Variants in AGMO observed in about 807,000 individuals in gnomAD.
AGMO encodes the protein glyceryl-ether monooxygenase.
AGMO carries 75 observed loss-of-function variants against 60.2 expected under a neutral mutation model. The ratio of observed to expected loss-of-function variants is 1.25; its 90% CI spans 1.03 to 1.51. AGMO has a LOEUF of 1.51. Ranked by LOEUF, AGMO falls within the 40% of genes most tolerant of loss-of-function variation. The probability of loss-of-function intolerance (pLI) is 0.00; values close to 1 mark genes in which losing one functional copy is unlikely to be tolerated. For missense variants in AGMO, 763 were observed against 525.5 expected, an observed-to-expected ratio of 1.45 and a Z score of -4.42; for synonymous variants, 261 against 177.1, an observed-to-expected ratio of 1.47 and a Z score of -3.76.
At chr7:15,537,742 T>C (rs1784518068) in intron 3 of AGMO, among the ~76,000 whole-genome samples, 1 of 152,180 alleles carries the variant, frequency 6.6e-6, no homozygotes, top group Non-Finnish European at 1.5e-5. Context: ...TTTTTTCAAA[T>C]GTACTTTCTA....
chr7:15,124,547 A>C, the AGMO span, among the ~76,000 whole-genome samples: 6 of 152,004 alleles, frequency 3.9e-5, no homozygotes, highest in African/African-American at 1.4e-4. Context: ...AAATTTGCTG[A>C]CATATTCTCC....
intron 10 of AGMO, among the ~76,000 whole-genome samples, chr7:15,381,354 A>G (rs1783676310): frequency 6.6e-6 from 1 of 152,106 alleles, no homozygotes; most frequent in South Asian, 2.1e-4. Context: ...CAATCCCATA[A>G]AAAAGTGGGC....
intron 3 of AGMO, among the ~76,000 whole-genome samples, chr7:15,462,425 AC>A (rs940931182): frequency 1.4e-4 from 21 of 152,286 alleles, no homozygotes; most frequent in African/African-American, 2.9e-4. Context: ...ATTGCCAGAG[AC>A]TTTTTTCCCT....
rs2128549857 is a variant in AGMO at position 15,342,282 on chromosome 7, AG to A, written c.1263+23231del. 1.3e-5 allele frequency among the ~76,000 whole-genome samples: 2 copies of A among 151,270 alleles called. 1 individual carries two copies. Among genetic ancestry groups the A allele is most frequent in the South Asian group, 4.2e-4 (2 of 4,734 alleles). On this transcript the variant is annotated intron_variant, in intron 12 of 12. Coordinates refer to ENST00000342526, the MANE Select transcript of AGMO (RefSeq NM_001004320.2). ...CTGAGAAAGCCATGGTCAGCAAGGG[AG>A]GAGTAAAACCTGCAAGTGTGCAATG...
At chr7:15,172,826 G>C in the AGMO span, among the ~76,000 whole-genome samples, 9 of 152,256 alleles carry the variant, frequency 5.9e-5, no homozygotes, top group Middle Eastern at 3.4e-3. Flanking sequence ...GAGAGCTCAT[G>C]GAAGAGGATG....
chr7:15,506,198 G>C (rs1783508476), intron 3 of AGMO, among the ~76,000 whole-genome samples: 2 of 151,976 alleles, frequency 1.3e-5, no homozygotes, highest in South Asian at 4.1e-4. Context: ...ACTGAGTAAA[G>C]TTTTCATAAT....
chr7:15,385,696 A>G (rs952752857), intron 9 of AGMO, 134 bp from the exon 10 acceptor site: 4 of 652,202 alleles, frequency 6.1e-6, no homozygotes, highest in Non-Finnish European at 1.1e-5. Context: ...TTAAAAATAG[A>G]AACATGTCTA....
At chr7:15,400,005 T>G (rs1415518593) in intron 5 of AGMO, among the ~76,000 whole-genome samples, 1 of 152,194 alleles carries the variant, frequency 6.6e-6, no homozygotes, top group Non-Finnish European at 1.5e-5. Context: ...TTGTTTTCCT[T>G]TCTCTGAATG....
chr7:15,557,935 G>A (rs1306847164), intron 2 of AGMO, among the ~76,000 whole-genome samples: 2 of 151,966 alleles, frequency 1.3e-5, no homozygotes, highest in African/African-American at 4.8e-5. Context: ...AGTAGTGGGT[G>A]AAGGAAAAGA....
intron 12 of AGMO, among the ~76,000 whole-genome samples, chr7:15,207,160 T>A (rs1781460930): frequency 6.6e-6 from 1 of 152,198 alleles, no homozygotes; most frequent in Non-Finnish European, 1.5e-5. Context: ...AGAGATCATT[T>A]AGAGGTCTCC....
At chr7:15,297,294 T>C (rs531125273) in intron 12 of AGMO, among the ~76,000 whole-genome samples, 1 of 152,220 alleles carries the variant, frequency 6.6e-6, no homozygotes, top group Non-Finnish European at 1.5e-5. Flanking sequence ...AAATGGAAAA[T>C]AATTTTAATA....
At chr7:15,272,326 G>C (rs532116796) in intron 12 of AGMO, among the ~76,000 whole-genome samples, 1 of 124,392 alleles carries the variant, frequency 8.0e-6, no homozygotes, top group African/African-American at 3.2e-5. Flanking sequence ...TCCCCTTCCC[G>C]TGTCCAAGTG....
chr7:15,506,831 G>A (rs1783523807), intron 3 of AGMO, among the ~76,000 whole-genome samples: 1 of 151,794 alleles, frequency 6.6e-6, no homozygotes, highest in East Asian at 1.9e-4. Flanking sequence ...GAGACAGAGA[G>A]TCCCTAAAAA....
intron 12 of AGMO, among the ~76,000 whole-genome samples, chr7:15,332,895 T>C (rs1781541022): frequency 2.0e-5 from 3 of 152,168 alleles, no homozygotes; most frequent in Non-Finnish European, 4.4e-5. Flanking sequence ...TATCAGTATA[T>C]TGCATTATGG....
intron 12 of AGMO, among the ~76,000 whole-genome samples, chr7:15,207,224 C>CTACT (rs1362074813): frequency 6.6e-6 from 1 of 152,162 alleles, no homozygotes; most frequent in East Asian, 1.9e-4. Context: ...CATGAATTAG[C>CTACT]TACTGCACAT....
chr7:15,230,946 G>C (rs2128499417), intron 12 of AGMO, among the ~76,000 whole-genome samples: 1 of 152,232 alleles, frequency 6.6e-6, no homozygotes, highest in African/African-American at 2.4e-5. Flanking sequence ...TTAAACTCTT[G>C]CTTATTCCAC....
chr7:15,240,861 A>AT lies in AGMO; in HGVS notation c.1264-39503dup, dbSNP rs200243877. Among the ~76,000 whole-genome samples, 578 of 151,368 alleles carry AT rather than the reference A, an allele frequency of 3.8e-3. 4 individuals are homozygous for AT. The highest frequency in any genetic ancestry group is 0.013 in the African/African-American group (550 of 41,140). On this transcript the variant is annotated intron_variant, in intron 12 of 12. Transcript: ENST00000342526. ...ATTTAATTCTTATAACATCTAGGTG[A>AT]TTTTTTTTTCCAATATGAGAAAGCT...
chr7:15,243,767 A>T (rs2128503818), intron 12 of AGMO, among the ~76,000 whole-genome samples: 1 of 152,252 alleles, frequency 6.6e-6, no homozygotes. Flanking sequence ...AAAGCACGAA[A>T]AATTTCAGGG....
intron 12 of AGMO, among the ~76,000 whole-genome samples, chr7:15,224,272 T>C (rs1309224928): frequency 6.6e-6 from 1 of 152,070 alleles, no homozygotes; most frequent in Non-Finnish European, 1.5e-5. Context: ...TGAATATTTG[T>C]GTCCACCCTC....
Sources: allele counts gnomAD v4.1 joint callset (sites outside exome capture counted in the v4.1 genomes callset), GRCh38; gene constraint gnomAD v4.1.1; transcripts MANE v1.5; gene names NCBI Gene and HGNC (gene_info 2026-07-23, HGNC 2026-07-21).